Variants in CAMKMT observed in about 807,000 individuals in gnomAD.
The protein encoded by CAMKMT is CaM KMT.
A neutral mutation model predicts 48.0 loss-of-function variants in CAMKMT; 53 were observed. The observed-to-expected ratio is 1.10, with a 90% CI of 0.89 to 1.39. The LOEUF is 1.39. CAMKMT is among the 40% of genes most tolerant of loss of function. The probability of loss-of-function intolerance (pLI) is 0.00; values close to 1 mark genes in which losing one functional copy is unlikely to be tolerated. For synonymous variants in CAMKMT, 165 were observed against 152.3 expected (o/e 1.08, Z -0.61); for missense variants, 428 against 402.7 (o/e 1.06, Z -0.54).
At chr2:44,474,355 G>C (rs1197014045) in intron 3 of CAMKMT, among the ~76,000 whole-genome samples, 1 of 151,468 alleles carries the variant, frequency 6.6e-6, no homozygotes, top group African/African-American at 2.4e-5. Flanking sequence ...GCTGAGGCAG[G>C]AGAATTGCTT....
At chr2:44,638,824 C>G (rs1442043743) in intron 3 of CAMKMT, among the ~76,000 whole-genome samples, 1 of 152,172 alleles carries the variant, frequency 6.6e-6, no homozygotes, top group Non-Finnish European at 1.5e-5. Context: ...TTTGTCTGCT[C>G]CAGCACGTGT....
chr2:44,516,883 A>C (rs1396517381), intron 3 of CAMKMT, among the ~76,000 whole-genome samples: 1 of 152,014 alleles, frequency 6.6e-6, no homozygotes, highest in Admixed American at 6.6e-5. Context: ...CAGGGATTAC[A>C]GGCATGTGCC....
At chr2:44,429,051 G>A (rs541323328) in intron 3 of CAMKMT, among the ~76,000 whole-genome samples, 1 of 152,174 alleles carries the variant, frequency 6.6e-6, no homozygotes, top group Non-Finnish European at 1.5e-5. Flanking sequence ...TTCCAGTCAT[G>A]TTGAACTTAA....
chr2:44,504,612 C>T (rs921160163), intron 3 of CAMKMT, among the ~76,000 whole-genome samples: 5 of 152,108 alleles, frequency 3.3e-5, no homozygotes, highest in African/African-American at 7.2e-5. Context: ...AGTTTTTCTG[C>T]GTCCTTGCCA....
chr2:44,543,986 A>G (rs1667262372), intron 3 of CAMKMT, among the ~76,000 whole-genome samples: 1 of 152,154 alleles, frequency 6.6e-6, no homozygotes, highest in African/African-American at 2.4e-5. Flanking sequence ...AGGGGCTAAG[A>G]TAGGTCAAAT....
chr2:44,474,730 A>G (rs1668598245), intron 3 of CAMKMT, among the ~76,000 whole-genome samples: 1 of 152,174 alleles, frequency 6.6e-6, no homozygotes, highest in South Asian at 2.1e-4. Flanking sequence ...TGCCAGACCA[A>G]ATGCTCCTCC....
chr2:44,626,601 C>A (rs72867722), intron 3 of CAMKMT, among the ~76,000 whole-genome samples: 1 of 152,108 alleles, frequency 6.6e-6, no homozygotes, highest in South Asian at 2.1e-4. Context: ...CCCATTCCTT[C>A]TCGACTGTAT....
intron 3 of CAMKMT, among the ~76,000 whole-genome samples, chr2:44,675,233 A>G (rs1675614161): frequency 6.6e-6 from 1 of 152,078 alleles, no homozygotes; most frequent in Non-Finnish European, 1.5e-5. Context: ...TTGATGGCTG[A>G]TTGCTTTTTA....
intron 3 of CAMKMT, among the ~76,000 whole-genome samples, chr2:44,399,505 C>G (rs1267297120): frequency 6.6e-6 from 1 of 151,594 alleles, no homozygotes; most frequent in Non-Finnish European, 1.5e-5. Flanking sequence ...TTCTTATTGC[C>G]CTCTTTGATC....
At chr2:44,644,431 C>T (rs1232532734) in intron 3 of CAMKMT, among the ~76,000 whole-genome samples, 1 of 152,174 alleles carries the variant, frequency 6.6e-6, no homozygotes, top group African/African-American at 2.4e-5. Flanking sequence ...AAAAAATTAT[C>T]ACGTTTTCAA....
At chr2:44,702,175 T>G (rs1000722007) in intron 3 of CAMKMT, among the ~76,000 whole-genome samples, 8 of 152,190 alleles carry the variant, frequency 5.3e-5, no homozygotes, top group Non-Finnish European at 1.0e-4. Context: ...TTCATTATAG[T>G]GGTGATTATG....
At chr2:44,436,716 T>C (rs926490047) in intron 3 of CAMKMT, among the ~76,000 whole-genome samples, 3 of 152,124 alleles carry the variant, frequency 2.0e-5, no homozygotes, top group African/African-American at 7.2e-5. Context: ...GCCCTATAGG[T>C]ATCTATTCTC....
chr2:44,732,177 C>T lies in CAMKMT; in HGVS notation c.624-11445C>T, dbSNP rs138322774. On this transcript the variant is annotated intron_variant, in intron 7 of 10. Transcript: ENST00000378494. ...CTATGTTGCTTAGGCTGGTCTCAAA[C>T]TCTTGGCCTCAAGCAATCCTCCCAC... 4.1e-3 allele frequency among the ~76,000 whole-genome samples: 628 copies of T among 152,254 alleles called. 3 individuals are homozygous for T. The highest frequency in any genetic ancestry group is 0.015 in the African/African-American group (605 of 41,548).
intron 3 of CAMKMT, among the ~76,000 whole-genome samples, chr2:44,645,752 C>G (rs1200730139): frequency 6.6e-6 from 1 of 152,084 alleles, no homozygotes; most frequent in South Asian, 2.1e-4. Context: ...ACCTGGGAGG[C>G]GGAGGCTGCA....
At chr2:44,502,256 A>G (rs1670044676) in intron 3 of CAMKMT, among the ~76,000 whole-genome samples, 1 of 150,202 alleles carries the variant, frequency 6.7e-6, no homozygotes, top group South Asian at 2.1e-4. Context: ...ATATACATTT[A>G]TCTTTGGTGT....
chr2:44,594,437 C>G (rs148382497), intron 3 of CAMKMT, among the ~76,000 whole-genome samples: 1 of 152,188 alleles, frequency 6.6e-6, no homozygotes, highest in South Asian at 2.1e-4. Flanking sequence ...GTAACCAAAA[C>G]AGCATGGTAC....
intron 3 of CAMKMT, among the ~76,000 whole-genome samples, chr2:44,478,609 A>G (rs1040571097): frequency 3.3e-4 from 50 of 152,250 alleles, no homozygotes; most frequent in African/African-American, 1.2e-3. Context: ...AGTTATTTTA[A>G]TTAATTTGTA....
chr2:44,755,324 G>T (rs1680326085), intron 9 of CAMKMT, among the ~76,000 whole-genome samples: 1 of 152,124 alleles, frequency 6.6e-6, no homozygotes, highest in African/African-American at 2.4e-5. Context: ...TGGTTGAATA[G>T]GCCACCCAAG....
At chr2:44,740,267 C>T (rs1679601995) in intron 7 of CAMKMT, among the ~76,000 whole-genome samples, 1 of 151,586 alleles carries the variant, frequency 6.6e-6, no homozygotes, top group South Asian at 2.1e-4. Context: ...TGGCTGAGAC[C>T]ACAGGTGTGT....
Sources: allele counts gnomAD v4.1 joint callset (sites outside exome capture counted in the v4.1 genomes callset), GRCh38; gene constraint gnomAD v4.1.1; transcripts MANE v1.5; gene names NCBI Gene and HGNC (gene_info 2026-07-23, HGNC 2026-07-21).